CASR: variants seen among roughly 807,000 people sequenced by gnomAD.
CASR encodes the protein calcium sensing receptor.
Under a neutral mutation model 69.1 loss-of-function variants are expected in CASR, and 23 were observed. That is an observed-to-expected ratio of 0.33 (90% confidence interval 0.24 to 0.47). CASR has a LOEUF of 0.47. Ranked by LOEUF, CASR falls within the 20% of genes least tolerant of loss-of-function variation. The pLI is 1.00. For synonymous variants in CASR, 541 were observed against 544.7 expected (o/e 0.99, Z 0.10); for missense variants, 924 against 1,356.1 (o/e 0.68, Z 5.00).
chr3:122,264,279 C>T (rs1038337535), intron 4 of CASR, among the ~76,000 whole-genome samples: 5 of 152,210 alleles, frequency 3.3e-5, no homozygotes, highest in African/African-American at 1.2e-4. Context: ...TTCATCTCAT[C>T]TTTCTGTTCT....
rs755840531 is a variant in CASR, at chr3:122,261,901, C to T, written c.866C>T (p.Thr289Met). 9 of 1,614,210 alleles carry T rather than the reference C, an allele frequency of 5.6e-6. No individual in the cohort carries two copies. Among genetic ancestry groups the T allele is most frequent in the South Asian group, 4.4e-5 (4 of 91,082 alleles). Residue 289 changes from threonine to methionine, a missense_variant, in exon 4 of 7, where the codon ACG (threonine) becomes ATG (methionine). By Grantham distance (81) the Thr-to-Met change is moderately conservative. Coordinates refer to ENST00000639785, the MANE Select transcript of CASR (RefSeq NM_000388.4). ...AAGGAGATTGTCCGGCGCAATATCACGGGCAAGATCTGGCTGGCCAGCGAG... is the reference window on the plus strand; with the variant it reads ...AAGGAGATTGTCCGGCGCAATATCATGGGCAAGATCTGGCTGGCCAGCGAG... ...LIKEIVRRNI[T>M]GKIWLASEAW...
intron 5 of CASR, among the ~76,000 whole-genome samples, chr3:122,277,740 A>G (rs1055665943): frequency 6.6e-6 from 1 of 152,166 alleles, no homozygotes; most frequent in African/African-American, 2.4e-5. Context: ...TTTCACCCCC[A>G]TTAATGCATA....
In CASR at chr3:122,286,637, A is replaced by G. The variant is rs1416702312; in HGVS notation, c.*1446A>G. 3 of 152,206 alleles carry G rather than the reference A, an allele frequency of 2.0e-5. No homozygotes were observed. Among genetic ancestry groups the G allele is most frequent in the Non-Finnish European group, 2.9e-5 (2 of 68,038 alleles). The allele number at this position is 152,206 out of a possible 1,614,324, so 9.4% of individuals were successfully genotyped here. ...AGCCCAAGAGCTCTGGGCCCAACACATGGGGTCAGCCATAGTATCACTGGC... is the reference window on the plus strand; with the variant it reads ...AGCCCAAGAGCTCTGGGCCCAACACGTGGGGTCAGCCATAGTATCACTGGC... On this transcript the variant is annotated 3_prime_UTR_variant, in exon 7 of 7. Coordinates refer to ENST00000639785, the MANE Select transcript of CASR (RefSeq NM_000388.4).
chr3:122,216,168 C>T (rs891756029), intron 1 of CASR, among the ~76,000 whole-genome samples: 2 of 152,304 alleles, frequency 1.3e-5, no homozygotes, highest in African/African-American at 4.8e-5. Flanking sequence ...GGTACACCTC[C>T]TACAGACAGT....
At chr3:122,244,416 G>C (rs764967356) in intron 1 of CASR, among the ~76,000 whole-genome samples, 18 of 150,206 alleles carry the variant, frequency 1.2e-4, no homozygotes, top group Non-Finnish European at 2.1e-4. Context: ...GTAACGTGTG[G>C]TAGAATCATA....
Position 122,284,956 on chromosome 3 carries a change from A to G in CASR, c.3002A>G (p.Gln1001Arg). 6.2e-7 allele frequency: 1 copy of G among 1,614,238 alleles called. No individual in the cohort carries two copies. Among genetic ancestry groups the G allele is most frequent in the Non-Finnish European group, 8.5e-7 (1 of 1,180,036 alleles). The change falls in exon 7 of 7, where the codon CAG (glutamine) becomes CGG (arginine). Residue 1001 changes from glutamine (Q) to arginine (R), a missense_variant. By Grantham distance (43) the Gln-to-Arg change is conservative (BLOSUM62 1). This residue lies in a region of CASR where 201 missense variants were observed against 228.8 expected (regional missense o/e 0.88). Transcript: ENST00000639785. The part of the protein sequence containing the change: ...NSTHQNSLEA[Q>R]KSSDTLTRHE... ...ACGCACCAGAACTCCCTGGAGGCCC[A>G]GAAAAGCAGCGATACGCTGACCCGA... is the stretch of plus-strand genomic sequence containing the variant.
intron 1 of CASR, among the ~76,000 whole-genome samples, chr3:122,252,363 G>GAAGA: frequency 4.5e-5 from 1 of 21,998 alleles, no homozygotes; most frequent in East Asian, 1.8e-3. Flanking sequence ...AAGAAAGAAA[G>GAAGA]AAGGAAGGAA....
chr3:122,234,925 A>T (rs1275493860), intron 1 of CASR, among the ~76,000 whole-genome samples: 3 of 152,236 alleles, frequency 2.0e-5, no homozygotes, highest in African/African-American at 7.2e-5. Context: ...TTCTGGGCAA[A>T]GCCGAAGAAG....
intron 4 of CASR, among the ~76,000 whole-genome samples, chr3:122,264,933 C>T (rs1395632423): frequency 6.6e-6 from 1 of 152,216 alleles, no homozygotes; most frequent in African/African-American, 2.4e-5. Flanking sequence ...AGCTGGAACT[C>T]CATGTCTGCC....
At position 122,212,060 on chromosome 3, in the gene CASR, A is replaced by G. The variant is rs183410600; in HGVS notation, c.-243+28248A>G. Reference sequence around the variant, plus strand: ...TGACCCAGCAATCCCATTACTGAGTATATACCCAAAGGAATATAAATCATT... The same window carrying G: ...TGACCCAGCAATCCCATTACTGAGTGTATACCCAAAGGAATATAAATCATT... On this transcript the variant is annotated intron_variant, in intron 1 of 6. Transcript: ENST00000639785. 1.2e-4 allele frequency among the ~76,000 whole-genome samples: 19 copies of G among 152,370 alleles called. No individual in the cohort carries two copies. In the East Asian group the frequency reaches 2.3e-3, roughly 19 times the overall value.
chr3:122,200,111 T>C (rs925473802), intron 1 of CASR, among the ~76,000 whole-genome samples: 2 of 152,064 alleles, frequency 1.3e-5, no homozygotes, highest in African/African-American at 4.8e-5. Context: ...TTCATCATGT[T>C]AGTCAGGCTG....
intron 1 of CASR, among the ~76,000 whole-genome samples, chr3:122,209,650 G>T (rs534918367): frequency 6.6e-6 from 1 of 152,086 alleles, no homozygotes; most frequent in Non-Finnish European, 1.5e-5. Context: ...CCCACAACAC[G>T]TGGGAACTAT....
At chr3:122,206,047 T>C (rs2074003359) in intron 1 of CASR, among the ~76,000 whole-genome samples, 1 of 152,074 alleles carries the variant, frequency 6.6e-6, no homozygotes, top group Non-Finnish European at 1.5e-5. Context: ...CTTTCCTATT[T>C]GGATGTTCTT....
chr3:122,192,090 A>C (rs1973490), intron 1 of CASR, among the ~76,000 whole-genome samples: 9 of 152,042 alleles, frequency 5.9e-5, no homozygotes, highest in Admixed American at 6.5e-5. Context: ...TCACAGTGAG[A>C]ATTTGAAACT....
intron 6 of CASR, among the ~76,000 whole-genome samples, chr3:122,283,406 A>C (rs2134225): frequency 0.92 from 140,301 of 152,232 alleles, 64,954 homozygotes; most frequent in East Asian, 0.98. Flanking sequence ...CTGCCATCAG[A>C]AGATAGTGTT....
At chr3:122,215,064 A>G (rs1385316089) in intron 1 of CASR, among the ~76,000 whole-genome samples, 8 of 150,468 alleles carry the variant, frequency 5.3e-5, no homozygotes, top group Non-Finnish European at 5.9e-5. Context: ...CATCTCGAAC[A>G]TAACTGCCTC....
intron 5 of CASR, among the ~76,000 whole-genome samples, chr3:122,281,729 G>A (rs1475024714): frequency 6.6e-6 from 1 of 152,040 alleles, no homozygotes; most frequent in Admixed American, 6.5e-5. Context: ...ACCCACCATG[G>A]TCATGATGCA....
chr3:122,201,437 T>C (rs2073950102), intron 1 of CASR, among the ~76,000 whole-genome samples: 1 of 152,230 alleles, frequency 6.6e-6, no homozygotes, highest in Non-Finnish European at 1.5e-5. Flanking sequence ...GATTTCTCAA[T>C]CTTTTCCCCA....
intron 5 of CASR, 174 bp from the exon 6 acceptor site, chr3:122,281,939 A>C: frequency 1.3e-6 from 1 of 767,662 alleles, no homozygotes; most frequent in Non-Finnish European, 2.2e-6. Flanking sequence ...TGTCCCTTTC[A>C]CAGATATCAG....
Sources: allele counts gnomAD v4.1 joint callset (sites outside exome capture counted in the v4.1 genomes callset), GRCh38; gene constraint gnomAD v4.1.1; regional missense constraint gnomAD v4.1.1; transcripts MANE v1.5; gene names NCBI Gene and HGNC (gene_info 2026-07-23, HGNC 2026-07-21).